ZNF777: variants seen among roughly 807,000 people sequenced by gnomAD.
The protein encoded by ZNF777 is zinc finger protein 777.
ZNF777 carries 7 observed loss-of-function variants against 72.1 expected under a neutral mutation model. The ratio of observed to expected loss-of-function variants is 0.10; its 90% CI spans 0.06 to 0.18. The LOEUF (loss-of-function observed/expected upper bound fraction) is 0.18, where lower values mean the gene tolerates loss of function less well. Among genes scored for constraint, ZNF777 ranks in the 10% least tolerant of loss-of-function variants. The pLI is 1.00. For synonymous variants in ZNF777, 545 were observed against 483.5 expected (o/e 1.13, Z -1.67); for missense variants, 828 against 1,128.6 (o/e 0.73, Z 3.82).
chr7:149,433,419 C>T (rs930418649), intron 5 of ZNF777, among the ~76,000 whole-genome samples: 1 of 152,226 alleles, frequency 6.6e-6, no homozygotes, highest in African/African-American at 2.4e-5. Context: ...TTTCTACCAG[C>T]TGTACCAAAG....
chr7:149,447,307 G>A (rs1475165304), intron 4 of ZNF777, among the ~76,000 whole-genome samples: 1 of 152,216 alleles, frequency 6.6e-6, no homozygotes, highest in East Asian at 1.9e-4. Flanking sequence ...GCCAAGGCCA[G>A]ATGTCTCTAG....
rs61005836 is a variant in ZNF777, at chr7:149,448,485, C to CTATATATATATATATATATA, written c.1087+2494_1087+2513dup. Among the ~76,000 whole-genome samples, 234 of 104,494 alleles carry CTATATATATATATATATATA rather than the reference C, an allele frequency of 2.2e-3. 1 individual carries two copies. Among genetic ancestry groups the CTATATATATATATATATATA allele is most frequent in the Admixed American group, 8.8e-3 (89 of 10,142 alleles). 68.6% of individuals were successfully genotyped at this position (104,494 alleles called of 152,430 possible). A position where few individuals can be genotyped will look rare whatever the true frequency, so the allele number is the denominator to read the frequency against. ...GCTCCATCTCAAAAACAAAACAAAA[C>CTATATATATATATATATATA]TATATATATATATATATATATATAT... On this transcript the variant is annotated intron_variant, in intron 4 of 5. Coordinates refer to ENST00000247930, the MANE Select transcript of ZNF777 (RefSeq NM_015694.3).
chr7:149,460,231 G>T lies in ZNF777; in HGVS notation c.-16+584C>A. The T allele has an allele frequency of 2.8e-6, 1 of 357,440 alleles. No homozygotes were observed. The highest frequency in any genetic ancestry group is 3.9e-6 in the Non-Finnish European group (1 of 259,246). The allele number at this position is 357,440 out of a possible 1,614,324, so 22.1% of individuals were successfully genotyped here. On this transcript the variant is annotated intron_variant, in intron 1 of 5. Transcript: ENST00000247930. This position sits in a 1 kb window ranked among gnomAD's most constrained non-coding sequence, Gnocchi z 6.1. ...CTGCGCGCGGCCCCACGCAGGCCCG[G>T]CCGCCCGGCGCTCTCCGCAGGCGGC...
intron 1 of ZNF777, among the ~76,000 whole-genome samples, chr7:149,457,693 G>C (rs907320839): frequency 2.0e-5 from 3 of 152,162 alleles, no homozygotes; most frequent in African/African-American, 7.2e-5. Flanking sequence ...AGATAGTATC[G>C]TCTAATAGCC....
At position 149,432,229 on chromosome 7, in the gene ZNF777, G is replaced by T. The variant is rs1273053201; in HGVS notation, c.2043C>A (p.Ile681=). Residue 681 remains isoleucine, a synonymous_variant, in exon 6 of 6, where the codon ATC becomes ATA. Transcript: ENST00000247930. ...KSFRLHISLV[I]HQRVHAGKHE... is the part of the protein sequence containing the mutation. ...GCTTGCCCGCGTGCACGCGCTGATG[G>T]ATCACCAAGCTGATGTGCAGGCGGA... 3.7e-6 allele frequency: 6 copies of T among 1,607,736 alleles called. No individual in the cohort carries two copies. The highest frequency in any genetic ancestry group is 1.1e-5 in the South Asian group (1 of 91,060).
intron 4 of ZNF777, among the ~76,000 whole-genome samples, chr7:149,449,712 C>T (rs964806912): frequency 6.6e-6 from 1 of 152,146 alleles, no homozygotes; most frequent in African/African-American, 2.4e-5. Flanking sequence ...TTTTCCTCAA[C>T]CAAAAGTTCA....
chr7:149,450,885 T>C, intron 4 of ZNF777, 114 bp downstream of exon 4: 1 of 913,156 alleles, frequency 1.1e-6, no homozygotes, highest in Non-Finnish European at 1.6e-6. Context: ...CGGGCCTCCT[T>C]CCTGCTAACA....
At chr7:149,459,668 T>C (rs1337636775) in intron 1 of ZNF777, 4 of 985,060 alleles carry the variant, frequency 4.1e-6, no homozygotes, top group Non-Finnish European at 4.8e-6. Flanking sequence ...CTACGTGACC[T>C]TGGGGCCGGC....
chr7:149,442,274 T>TACACACACACAC (rs148217571), intron 4 of ZNF777, among the ~76,000 whole-genome samples: 1 of 138,508 alleles, frequency 7.2e-6, no homozygotes, highest in East Asian at 2.1e-4. Flanking sequence ...AAACTGCTAT[T>TACACACACACAC]ACACACACAC....
Position 149,455,201 on chromosome 7 carries a change from G to T in ZNF777, c.822C>A (p.Pro274=), listed in dbSNP as rs751041055. 1 of 1,612,974 alleles carries T rather than the reference G, an allele frequency of 6.2e-7. No homozygotes were observed. The change falls in exon 2 of 6, where the codon CCC becomes CCA. Residue 274 remains proline, a synonymous_variant. Transcript: ENST00000247930. This position sits in a 1 kb window ranked among gnomAD's most constrained non-coding sequence, Gnocchi z 4.2. ...NRNFWILRLP[P]GSNGEVPKVP... Reference sequence around the variant, plus strand: ...CCTTGGGAACTTCTCCATTGCTGCCGGGGGGCAGCCGCAGGATCCAGAAAT... The same window carrying T: ...CCTTGGGAACTTCTCCATTGCTGCCTGGGGGCAGCCGCAGGATCCAGAAAT...
At chr7:149,451,560 C>T (rs1038603154) in intron 3 of ZNF777, among the ~76,000 whole-genome samples, 3 of 151,866 alleles carry the variant, frequency 2.0e-5, no homozygotes, top group Admixed American at 6.6e-5. Flanking sequence ...GGCGTGGTGG[C>T]GGATGCCTGT....
intron 3 of ZNF777, among the ~76,000 whole-genome samples, chr7:149,451,388 G>A (rs1020019203): frequency 1.3e-5 from 2 of 152,048 alleles, no homozygotes; most frequent in African/African-American, 4.8e-5. Flanking sequence ...TTGAAATTTT[G>A]TAAGGTAAAA....
At chr7:149,437,799 C>G (rs200033535) in intron 4 of ZNF777, among the ~76,000 whole-genome samples, 1 of 115,658 alleles carries the variant, frequency 8.6e-6, no homozygotes, top group Admixed American at 9.0e-5. Context: ...ATGTTTGTTT[C>G]TTTTTCTTTT....
chr7:149,459,694 C>T, intron 1 of ZNF777: 1 of 985,156 alleles, frequency 1.0e-6, no homozygotes, highest in Non-Finnish European at 1.2e-6. Context: ...GGGTCGCCGC[C>T]AGGTGTCTGT....
At chr7:149,440,261 G>A (rs1038285213) in intron 4 of ZNF777, among the ~76,000 whole-genome samples, 2 of 152,214 alleles carry the variant, frequency 1.3e-5, no homozygotes, top group African/African-American at 4.8e-5. Context: ...TGCAGGACAT[G>A]TATCTTAAAA....
Position 149,432,482 on chromosome 7 carries a change from C to T in ZNF777, c.1790G>A (p.Arg597His). ...QQLTLHQRIH[R>H]VRGGCVSPER... Reference sequence around the variant, plus strand: ...GGGTGAGACGCAGCCTCCGCGCACGCGGTGGATGCGCTGGTGCAGCGTGAG... The same window carrying T: ...GGGTGAGACGCAGCCTCCGCGCACGTGGTGGATGCGCTGGTGCAGCGTGAG... Residue 597 changes from arginine to histidine, a missense_variant, in exon 6 of 6, where the codon CGC becomes CAC. Arg to His is a conservative substitution (Grantham distance 29, BLOSUM62 0). Coordinates refer to ENST00000247930, the MANE Select transcript of ZNF777 (RefSeq NM_015694.3). The T allele has an allele frequency of 6.2e-7, 1 of 1,613,698 alleles. No homozygotes were observed. The highest frequency in any genetic ancestry group is 2.2e-5 in the East Asian group (1 of 44,854).
rs77333474 is a variant in ZNF777 at position 149,453,642 on chromosome 7, A to T, written c.973+469T>A. ...CCTGAATCATCGAACAGGAGTGTGA[A>T]CACCTGTCTTAGCCTCCGCAACATC... On this transcript the variant is annotated intron_variant, in intron 3 of 5. Transcript: ENST00000247930. 3.0e-3 allele frequency among the ~76,000 whole-genome samples: 456 copies of T among 152,292 alleles called. 3 individuals are homozygous for T. Among genetic ancestry groups the T allele is most frequent in the African/African-American group, 9.2e-3 (383 of 41,554 alleles).
chr7:149,458,968 G>A (rs1799888168), intron 1 of ZNF777, among the ~76,000 whole-genome samples: 1 of 152,216 alleles, frequency 6.6e-6, no homozygotes. Flanking sequence ...TGCCACATTA[G>A]CAGAAGCATC....
chr7:149,437,983 G>C (rs974161089), intron 4 of ZNF777, among the ~76,000 whole-genome samples: 4 of 151,674 alleles, frequency 2.6e-5, no homozygotes, highest in Non-Finnish European at 5.9e-5. Context: ...AACTTCAAGC[G>C]ATTCTCCTGC....
Sources: allele counts gnomAD v4.1 joint callset (sites outside exome capture counted in the v4.1 genomes callset), GRCh38; gene constraint gnomAD v4.1.1; non-coding constraint Gnocchi (gnomAD v3.1); transcripts MANE v1.5; gene names NCBI Gene and HGNC (gene_info 2026-07-23, HGNC 2026-07-21).